NLN: variants seen among roughly 807,000 people sequenced by gnomAD.
NLN encodes neurolysin.
A neutral mutation model predicts 79.9 loss-of-function variants in NLN; 64 were observed. The observed-to-expected ratio is 0.80, with a 90% confidence interval of 0.65 to 0.99. The LOEUF (loss-of-function observed/expected upper bound fraction) is 0.99, where lower values mean the gene tolerates loss of function less well. NLN is among the 50% of genes least tolerant of loss of function. The pLI is 0.00. For missense variants in NLN, 835 were observed against 858.7 expected (o/e 0.97, Z 0.34); for synonymous variants, 267 against 296.6 (o/e 0.90, Z 1.02).
At position 65,796,153 on chromosome 5, in the gene NLN, C is replaced by A. The variant is rs114480767; in HGVS notation, c.1527+3498C>A. On this transcript the variant is annotated intron_variant, in intron 9 of 12. Coordinates refer to ENST00000380985, the MANE Select transcript of NLN (RefSeq NM_020726.5). ...CTTATTTGATGATTTCACAAGGAAG[C>A]ATTTTGGTCTTTTAATCACATTTAT... Among the ~76,000 whole-genome samples, 319 of 152,250 alleles carry A rather than the reference C, an allele frequency of 2.1e-3. 1 individual carries two copies. Among genetic ancestry groups the A allele is most frequent in the African/African-American group, 7.4e-3 (306 of 41,544 alleles).
At chr5:65,736,580 T>C (rs193061770) in intron 1 of NLN, among the ~76,000 whole-genome samples, 119 of 152,210 alleles carry the variant, frequency 7.8e-4, no homozygotes, top group African/African-American at 2.8e-3. Context: ...GCAGCTCTTG[T>C]TGTTGTCAAG....
intron 9 of NLN, among the ~76,000 whole-genome samples, chr5:65,804,590 T>C (rs1247904381): frequency 6.6e-6 from 1 of 152,180 alleles, no homozygotes; most frequent in Non-Finnish European, 1.5e-5. Flanking sequence ...AGTCCAGTGG[T>C]GCAGTCTCAG....
At chr5:65,793,384 A>C (rs1760107780) in intron 9 of NLN, 1 of 154,210 alleles carries the variant, frequency 6.5e-6, no homozygotes, top group South Asian at 2.0e-4. Context: ...ATGGTGGCTC[A>C]TGCCTGTAAT....
rs539539100 is a variant in NLN, at chr5:65,794,752, A to G, written c.1527+2097A>G. On this transcript the variant is annotated intron_variant, in intron 9 of 12. Transcript: ENST00000380985. The stretch of plus-strand genomic sequence containing the variant: ...ATGGAACAGTCTTTTTGTTGTCCTG[A>G]CATGTGCAGAATCAGTCCTGTGCAT... 2.0e-5 allele frequency among the ~76,000 whole-genome samples: 3 copies of G among 152,302 alleles called. No individual in the cohort carries two copies. In the South Asian group the frequency reaches 6.2e-4, roughly 32 times the overall value.
intron 1 of NLN, among the ~76,000 whole-genome samples, chr5:65,727,978 G>A (rs1158220303): frequency 6.6e-6 from 1 of 151,842 alleles, no homozygotes; most frequent in African/African-American, 2.4e-5. Flanking sequence ...ATGTGGGCCT[G>A]GCTGGTCTTG....
chr5:65,723,806 C>T (rs965047787), intron 1 of NLN, among the ~76,000 whole-genome samples: 8 of 85,302 alleles, frequency 9.4e-5, no homozygotes, highest in African/African-American at 3.5e-4. Flanking sequence ...CAGAGCAAGA[C>T]TCCGTCTCAA....
Position 65,788,293 on chromosome 5 carries a change from G to A in NLN, c.1134G>A (p.Glu378=). 2 of 1,614,032 alleles carry A rather than the reference G, an allele frequency of 1.2e-6. No individual in the cohort carries two copies. Among genetic ancestry groups the A allele is most frequent in the South Asian group, 2.2e-5 (2 of 91,086 alleles). The change falls in exon 8 of 13, where the codon GAG becomes GAA. Residue 378 remains glutamate, a synonymous_variant. Transcript: ENST00000380985. ...TEELKYSIDQ[E]FLKEYFPIEV... Reference sequence around the variant, plus strand: ...AACTCAAGTATTCCATAGACCAAGAGTTCCTCAAGGAATACTTCCCAATTG... The same window carrying A: ...AACTCAAGTATTCCATAGACCAAGAATTCCTCAAGGAATACTTCCCAATTG...
chr5:65,769,423 A>C (rs1000801433), intron 3 of NLN, among the ~76,000 whole-genome samples: 1 of 152,242 alleles, frequency 6.6e-6, no homozygotes, highest in African/African-American at 2.4e-5. Context: ...GTAACACAAA[A>C]GATAAGTGCT....
chr5:65,786,005 C>G, intron 7 of NLN, 95 bp downstream of exon 7: 1 of 1,118,360 alleles, frequency 8.9e-7, no homozygotes, highest in Non-Finnish European at 1.3e-6. Flanking sequence ...GGACATCCTA[C>G]TTTTCCTTCA....
chr5:65,741,979 A>G (rs1579915190), intron 1 of NLN, among the ~76,000 whole-genome samples: 1 of 152,316 alleles, frequency 6.6e-6, no homozygotes, highest in African/African-American at 2.4e-5. Flanking sequence ...TTTTTGTTCA[A>G]CTTTGTAATG....
chr5:65,734,986 C>G (rs1758698596), intron 1 of NLN, among the ~76,000 whole-genome samples: 1 of 152,132 alleles, frequency 6.6e-6, no homozygotes, highest in Non-Finnish European at 1.5e-5. Context: ...AATTGGACAG[C>G]TCCTGAGGTC....
At chr5:65,781,869 G>A (rs1277525391) in intron 6 of NLN, among the ~76,000 whole-genome samples, 1 of 152,156 alleles carries the variant, frequency 6.6e-6, no homozygotes, top group Non-Finnish European at 1.5e-5. Context: ...ACTGCCTGAA[G>A]CTCAAAGACC....
At chr5:65,815,749 G>GT (rs1396842180) in intron 12 of NLN, among the ~76,000 whole-genome samples, 1 of 151,810 alleles carries the variant, frequency 6.6e-6, no homozygotes, top group African/African-American at 2.4e-5. Context: ...ACTATTTGGG[G>GT]TTTTTTGTTG....
chr5:65,814,201 G>A (rs942317899), intron 12 of NLN, among the ~76,000 whole-genome samples: 1 of 152,060 alleles, frequency 6.6e-6, no homozygotes, highest in African/African-American at 2.4e-5. Flanking sequence ...CAACAGAAAT[G>A]GAAAGTTACC....
chr5:65,817,426 C>A (rs1374276229), intron 12 of NLN, among the ~76,000 whole-genome samples: 1 of 152,136 alleles, frequency 6.6e-6, no homozygotes, highest in Non-Finnish European at 1.5e-5. Flanking sequence ...TTTAAGGTCA[C>A]CAAATGTGAA....
intron 1 of NLN, among the ~76,000 whole-genome samples, chr5:65,737,528 G>A (rs1758754264): frequency 3.9e-5 from 6 of 152,092 alleles, no homozygotes; most frequent in Admixed American, 3.9e-4. Context: ...CATAAGGGAT[G>A]CAAAATAAAT....
At chr5:65,784,401 T>C (rs930641864) in intron 6 of NLN, among the ~76,000 whole-genome samples, 5 of 152,244 alleles carry the variant, frequency 3.3e-5, no homozygotes, top group African/African-American at 9.6e-5. Flanking sequence ...AGTTCATTTG[T>C]GCTGCTATAA....
intron 3 of NLN, among the ~76,000 whole-genome samples, chr5:65,775,790 T>C (rs1406003159): frequency 1.3e-5 from 2 of 152,212 alleles, no homozygotes; most frequent in Admixed American, 1.3e-4. Context: ...CATTGTGCAC[T>C]GATACTAGCT....
rs1641086764 is a variant in NLN at position 65,740,669 on chromosome 5, C to T, written c.42-17898C>T. Among the ~76,000 whole-genome samples, 4 of 152,012 alleles carry T rather than the reference C, an allele frequency of 2.6e-5. No homozygotes were observed. The South Asian group carries it at 8.3e-4, about 32-fold the overall frequency. ...TTCCCAACACCGTTCCCTGAAGAGACTGTCTTTTCGTGTGTTCCTGGCATC... is the reference window on the plus strand; with the variant it reads ...TTCCCAACACCGTTCCCTGAAGAGATTGTCTTTTCGTGTGTTCCTGGCATC... On this transcript the variant is annotated intron_variant, in intron 1 of 12. Transcript: ENST00000380985.
Sources: gnomAD v4.1 joint callset for allele counts (sites outside exome capture counted in the v4.1 genomes callset) on GRCh38, gnomAD v4.1.1 for gene constraint, MANE v1.5 for transcripts, NCBI Gene and HGNC (gene_info 2026-07-23, HGNC 2026-07-21) for gene names.